Variants in NUCB2 observed in about 807,000 individuals in gnomAD.
NUCB2 encodes the protein nucleobindin-2.
NUCB2 carries 48 observed loss-of-function variants against 57.9 expected under a neutral mutation model. That is an observed-to-expected ratio of 0.83 (90% CI 0.66 to 1.05). The LOEUF is 1.05. Among genes scored for constraint, NUCB2 ranks in the 50% least tolerant of loss-of-function variants. The probability of loss-of-function intolerance (pLI) is 0.00; values close to 1 mark genes in which losing one functional copy is unlikely to be tolerated. For missense variants in NUCB2, 442 were observed against 476.2 expected (o/e 0.93, Z 0.67); for synonymous variants, 139 against 152.1 (o/e 0.91, Z 0.64).
intron 11 of NUCB2, among the ~76,000 whole-genome samples, chr11:17,328,985 C>T (rs1421293976): frequency 1.3e-5 from 2 of 152,160 alleles, no homozygotes; most frequent in Non-Finnish European, 2.9e-5. Flanking sequence ...ATTCAGGGCC[C>T]AGGGGCTCTT....
At chr11:17,284,209 G>A (rs1943225389) in intron 2 of NUCB2, among the ~76,000 whole-genome samples, 1 of 151,946 alleles carries the variant, frequency 6.6e-6, no homozygotes, top group Admixed American at 6.6e-5. Flanking sequence ...GTAGAGATGG[G>A]GTCTCACCAT....
chr11:17,308,929 A>T (rs1319593954), intron 5 of NUCB2, among the ~76,000 whole-genome samples: 1 of 152,218 alleles, frequency 6.6e-6, no homozygotes, highest in African/African-American at 2.4e-5. Context: ...TTAGAGATTT[A>T]TTAAAAGCAG....
chr11:17,348,680 C>T (rs973732496), intron 2 of NUCB2, among the ~76,000 whole-genome samples: 4 of 151,476 alleles, frequency 2.6e-5, no homozygotes, highest in Non-Finnish European at 5.9e-5. Flanking sequence ...CTTTAGCCAT[C>T]GCTGAATTCG....
rs560441899 is a variant in NUCB2, at chr11:17,330,254, G to A, written c.1130G>A (p.Arg377His). The change falls in exon 12 of 14, where the codon CGT becomes CAT. Residue 377 changes from arginine (R) to histidine (H), a missense_variant. By Grantham distance (29) the Arg-to-His change is conservative. Transcript: ENST00000529010. This position sits in a 1 kb window ranked among gnomAD's most constrained non-coding sequence, Gnocchi z 4.3. ...ELQKQKEELQRQHDQLEAQKL... is the reference protein window; with the variant it reads ...ELQKQKEELQHQHDQLEAQKL... ...CAGAAACAAAAAGAAGAGCTACAAC[G>A]TCAGCATGATCAACTGGAGGCTCAG... 7.5e-5 allele frequency: 121 copies of A among 1,610,956 alleles called. 1 individual carries two copies. The South Asian group carries it at 1.1e-3, about 15-fold the overall frequency.
chr11:17,317,901 C>A (rs887514930), intron 11 of NUCB2, among the ~76,000 whole-genome samples: 1 of 150,960 alleles, frequency 6.6e-6, no homozygotes, highest in Non-Finnish European at 1.5e-5. Context: ...TGGTCCCGAA[C>A]TCCTGGGCTC....
At chr11:17,305,917 C>T (rs1334480537) in intron 5 of NUCB2, among the ~76,000 whole-genome samples, 3 of 152,162 alleles carry the variant, frequency 2.0e-5, no homozygotes, top group Non-Finnish European at 2.9e-5. Flanking sequence ...TATGCCACCA[C>T]ACCCAACACA....
At chr11:17,334,869 G>C (rs1310415623), downstream of NUCB2, among the ~76,000 whole-genome samples, 1 of 142,630 alleles carries the variant, frequency 7.0e-6, no homozygotes, top group African/African-American at 2.7e-5. Flanking sequence ...CTGAGCCACA[G>C]AGCAAGGCTC....
intron 11 of NUCB2, among the ~76,000 whole-genome samples, chr11:17,324,711 G>A (rs1464748555): frequency 6.6e-6 from 1 of 152,134 alleles, no homozygotes; most frequent in African/African-American, 2.4e-5. Flanking sequence ...TGGGATTACT[G>A]GCATGAGCCA....
chr11:17,311,816 A>T (rs796470747), intron 8 of NUCB2, 56 bp from the exon 9 acceptor site: 2 of 1,154,202 alleles, frequency 1.7e-6, no homozygotes, highest in South Asian at 1.4e-5. Context: ...ATTGTATTTT[A>T]ATTATTTTCT....
intron 2 of NUCB2, among the ~76,000 whole-genome samples, chr11:17,346,719 T>G (rs989683493): frequency 2.0e-5 from 3 of 152,154 alleles, no homozygotes; most frequent in Non-Finnish European, 4.4e-5. Context: ...TTCATCTAGC[T>G]TCCTCAAATA....
At chr11:17,312,224 G>T (rs1948590834) in intron 10 of NUCB2, 104 bp downstream of exon 10, 2 of 713,128 alleles carry the variant, frequency 2.8e-6, no homozygotes, top group Non-Finnish European at 2.3e-6. Context: ...TTTAAATGGA[G>T]TTTGCGTTTT....
chr11:17,277,586 T>G (rs564288953), intron 1 of NUCB2, among the ~76,000 whole-genome samples: 1 of 152,214 alleles, frequency 6.6e-6, no homozygotes, highest in East Asian at 1.9e-4. Context: ...CTCTTGAAAT[T>G]CTATGTCTGC....
At chr11:17,300,239 A>C (rs1946477454) in intron 4 of NUCB2, among the ~76,000 whole-genome samples, 2 of 152,154 alleles carry the variant, frequency 1.3e-5, no homozygotes, top group Non-Finnish European at 2.9e-5. Context: ...TCAAAACTCC[A>C]GCGCTCAAAC....
At chr11:17,282,290 G>A (rs976084539) in intron 1 of NUCB2, among the ~76,000 whole-genome samples, 3 of 125,142 alleles carry the variant, frequency 2.4e-5, no homozygotes, top group Admixed American at 9.5e-5. Flanking sequence ...ACAGAGTCTC[G>A]CTCTGTCACC....
intron 5 of NUCB2, among the ~76,000 whole-genome samples, chr11:17,307,190 C>A (rs940070306): frequency 6.6e-6 from 1 of 152,104 alleles, no homozygotes; most frequent in Non-Finnish European, 1.5e-5. Context: ...AGGCATGAGC[C>A]ACTGTGCCTG....
intron 2 of NUCB2, among the ~76,000 whole-genome samples, chr11:17,344,182 C>G (rs1952527617): frequency 6.6e-6 from 1 of 151,950 alleles, no homozygotes; most frequent in Non-Finnish European, 1.5e-5. Flanking sequence ...GATGAATGTC[C>G]CTGTTCAGTT....
chr11:17,329,013 A>G (rs1000490522), intron 11 of NUCB2, among the ~76,000 whole-genome samples: 11 of 152,056 alleles, frequency 7.2e-5, no homozygotes, highest in Non-Finnish European at 1.5e-4. Context: ...CAAGTGATGA[A>G]GCCTGCCAGG....
At chr11:17,321,333 A>G (rs1394671090) in intron 11 of NUCB2, among the ~76,000 whole-genome samples, 2 of 152,032 alleles carry the variant, frequency 1.3e-5, no homozygotes, top group Admixed American at 6.6e-5. Context: ...GATCCCACAG[A>G]TAAGTAGGAA....
chr11:17,318,181 T>C (rs1949534309), intron 11 of NUCB2, among the ~76,000 whole-genome samples: 1 of 151,374 alleles, frequency 6.6e-6, no homozygotes, highest in African/African-American at 2.4e-5. Context: ...TGCCTGGATC[T>C]TTTTTTTGTG....
Sources: allele counts gnomAD v4.1 joint callset (sites outside exome capture counted in the v4.1 genomes callset), GRCh38; gene constraint gnomAD v4.1.1; non-coding constraint Gnocchi (gnomAD v3.1); transcripts MANE v1.5; gene names NCBI Gene and HGNC (gene_info 2026-07-23, HGNC 2026-07-21).